ERVK3-1: variants seen among roughly 807,000 people sequenced by gnomAD.
ERVK3-1 encodes the protein endogenous retrovirus group K3 member 1, also known as HERV-K(HML6-1).
exon 4 of ERVK3-1, chr19:58,314,788 T>C (rs1568534712): frequency 2.5e-6 from 1 of 400,130 alleles, no homozygotes; most frequent in East Asian, 3.6e-5. Flanking sequence ...AATTGAAAGC[T>C]GCACAGCCTG....
chr19:58,305,629 C>T (rs1316814611), intron 1 of ERVK3-1, among the ~76,000 whole-genome samples, 184 bp downstream of exon 1: 2 of 152,008 alleles, frequency 1.3e-5, no homozygotes, highest in South Asian at 2.1e-4. Flanking sequence ...CATGTCCTGC[C>T]GGGTGTCACC....
At chr19:58,305,513 T>G (rs568424131) in intron 1 of ERVK3-1, 68 bp downstream of exon 1, 1 of 152,114 alleles carries the variant, frequency 6.6e-6, no homozygotes, top group African/African-American at 2.4e-5. Flanking sequence ...GGCCTAAGTG[T>G]GCTGATGGTG....
In ERVK3-1 at chr19:58,312,133, C is replaced by T. The variant is rs928017878; in HGVS notation, c.-3-33C>T. 1.3e-5 allele frequency: 5 copies of T among 399,856 alleles called. No individual in the cohort carries two copies. The highest frequency in any genetic ancestry group is 6.2e-4 in the Middle Eastern group (1 of 1,610). The allele number at this position is 399,856 out of a possible 1,614,324, so 24.8% of individuals were successfully genotyped here. A position where few individuals can be genotyped will look rare whatever the true frequency, so the allele number is the denominator to read the frequency against. ...TGGAAAGGTCCGGTGGATTTGCTGA[C>T]GTGGGGACGAGGGTATGCTTGTGTT... On this transcript the variant is annotated intron_variant, in intron 2 of 3. Coordinates refer to ENST00000413518, the Ensembl canonical transcript of ERVK3-1. This position sits in a 1 kb window ranked among gnomAD's most constrained non-coding sequence, Gnocchi z 4.7.
chr19:58,315,874 T>C (rs1345232765), downstream of ERVK3-1, among the ~76,000 whole-genome samples: 1 of 152,184 alleles, frequency 6.6e-6, no homozygotes, highest in African/African-American at 2.4e-5. Context: ...GCCAGGAGCC[T>C]AGAGCCACAC....
At chr19:58,315,851 C>A (rs924837130), downstream of ERVK3-1, among the ~76,000 whole-genome samples, 3 of 152,104 alleles carry the variant, frequency 2.0e-5, no homozygotes, top group African/African-American at 7.2e-5. Flanking sequence ...AGGCCTGGGC[C>A]CCTGAAGTCA....
chr19:58,307,895 G>C (rs1369790131), intron 2 of ERVK3-1, among the ~76,000 whole-genome samples: 4 of 152,174 alleles, frequency 2.6e-5, no homozygotes, highest in African/African-American at 7.2e-5. Context: ...CGCTCAGTCA[G>C]AGAATGGGTC....
chr19:58,308,064 C>T (rs970002669), intron 2 of ERVK3-1, among the ~76,000 whole-genome samples: 30 of 152,192 alleles, frequency 2.0e-4, no homozygotes. Flanking sequence ...AGGAGAAATT[C>T]AAGTAATTGT....
Position 58,312,548 on chromosome 19 carries a change from C to A in ERVK3-1, c.294+86C>A, listed in dbSNP as rs545940621. 1 of 399,084 alleles carries A rather than the reference C, an allele frequency of 2.5e-6. No individual in the cohort carries two copies. Among genetic ancestry groups the A allele is most frequent in the South Asian group, 1.4e-4 (1 of 7,272 alleles). 24.7% of individuals were successfully genotyped at this position (399,084 alleles called of 1,614,324 possible). A position where few individuals can be genotyped will look rare whatever the true frequency, so the allele number is the denominator to read the frequency against. The stretch of plus-strand genomic sequence containing the variant: ...GTACGACTGGTACTCTGGAGCGACA[C>A]TCCTCCTGAGATATATTATGATCAG... On this transcript the variant is annotated intron_variant, in intron 3 of 3. Coordinates refer to ENST00000413518, the Ensembl canonical transcript of ERVK3-1. The surrounding 1 kb of genome is among the most constrained non-coding windows in gnomAD (Gnocchi z 4.7).
At position 58,312,130 on chromosome 19, in the gene ERVK3-1, T is replaced by C; in HGVS notation, c.-3-36T>C. 1 of 400,088 alleles carries C rather than the reference T, an allele frequency of 2.5e-6. No homozygotes were observed. 24.8% of individuals were successfully genotyped at this position (400,088 alleles called of 1,614,324 possible). ...CAATGGAAAGGTCCGGTGGATTTGC[T>C]GACGTGGGGACGAGGGTATGCTTGT... On this transcript the variant is annotated intron_variant, in intron 2 of 3. Coordinates refer to ENST00000413518, the Ensembl canonical transcript of ERVK3-1. This position sits in a 1 kb window ranked among gnomAD's most constrained non-coding sequence, Gnocchi z 4.7.
chr19:58,308,794 A>G (rs777487056), intron 2 of ERVK3-1, among the ~76,000 whole-genome samples: 3 of 152,190 alleles, frequency 2.0e-5, no homozygotes, highest in Admixed American at 6.5e-5. Flanking sequence ...ACTCAACTCC[A>G]TCAGCTGGTA....
Position 58,310,674 on chromosome 19 carries a change from A to C in ERVK3-1, c.-3-1492A>C, listed in dbSNP as rs187369845. Reference sequence around the variant, plus strand: ...CAGAGCCAGGTGTACAGGATGGAACATGAAGGCGGACTAGGAGCGTGACCA... The same window carrying C: ...CAGAGCCAGGTGTACAGGATGGAACCTGAAGGCGGACTAGGAGCGTGACCA... On this transcript the variant is annotated intron_variant, in intron 2 of 3. Transcript: ENST00000413518. This position sits in a 1 kb window ranked among gnomAD's most constrained non-coding sequence, Gnocchi z 4.7. 655 of 173,106 alleles carry C rather than the reference A, an allele frequency of 3.8e-3. 3 individuals carry two copies. Among genetic ancestry groups the C allele is most frequent in the Non-Finnish European group, 6.7e-3 (523 of 78,496 alleles). The allele number at this position is 173,106 out of a possible 1,614,324, so 10.7% of individuals were successfully genotyped here. A position where few individuals can be genotyped will look rare whatever the true frequency, so the allele number is the denominator to read the frequency against.
intron 2 of ERVK3-1, among the ~76,000 whole-genome samples, chr19:58,307,909 T>C (rs1009758203): frequency 6.6e-6 from 1 of 152,150 alleles, no homozygotes; most frequent in Non-Finnish European, 1.5e-5. Flanking sequence ...ATGGGTCACG[T>C]TAGTTGGAGG....
In ERVK3-1 at chr19:58,310,832, C is replaced by G. The variant is rs1192943668; in HGVS notation, c.-3-1334C>G. ...CCTCCCCCAGGGAAAGGGAGACCGC[C>G]CCCCACCCTTTCCCGGTCTGCTAAG... On this transcript the variant is annotated intron_variant, in intron 2 of 3. Coordinates refer to ENST00000413518, the Ensembl canonical transcript of ERVK3-1. The surrounding 1 kb of genome is among the most constrained non-coding windows in gnomAD (Gnocchi z 4.7). 3 of 390,408 alleles carry G rather than the reference C, an allele frequency of 7.7e-6. No individual in the cohort carries two copies. Among genetic ancestry groups the G allele is most frequent in the Non-Finnish European group, 1.6e-5 (3 of 189,872 alleles). The allele number at this position is 390,408 out of a possible 1,614,324, so 24.2% of individuals were successfully genotyped here. A position where few individuals can be genotyped will look rare whatever the true frequency, so the allele number is the denominator to read the frequency against.
chr19:58,310,108 A>C lies in ERVK3-1; in HGVS notation c.-3-2058A>C, dbSNP rs1353499776. 6.6e-6 allele frequency: 1 copy of C among 152,194 alleles called. No individual in the cohort carries two copies. Among genetic ancestry groups the C allele is most frequent in the Non-Finnish European group, 1.5e-5 (1 of 68,030 alleles). 9.4% of individuals were successfully genotyped at this position (152,194 alleles called of 1,614,324 possible). On this transcript the variant is annotated intron_variant, in intron 2 of 3. Transcript: ENST00000413518. The surrounding 1 kb of genome is among the most constrained non-coding windows in gnomAD (Gnocchi z 4.7). ...TGGACCTAAATATACTTAAATAATAAAGACCCCTAGAGTTTCAGCTCAACA... is the reference window on the plus strand; with the variant it reads ...TGGACCTAAATATACTTAAATAATACAGACCCCTAGAGTTTCAGCTCAACA...
rs948074985 is a variant in ERVK3-1, at chr19:58,306,221, G to C, written c.-4+5G>C. The C allele has an allele frequency of 2.0e-5, 3 of 152,228 alleles. No homozygotes were observed. Among genetic ancestry groups the C allele is most frequent in the African/African-American group, 7.2e-5 (3 of 41,448 alleles). 9.4% of individuals were successfully genotyped at this position (152,228 alleles called of 1,614,324 possible). On this transcript the variant is annotated splice_donor_5th_base_variant and intron_variant, in intron 2 of 3. Transcript: ENST00000413518. ...TCTGCCGGCGGAGAATATAAGGTCAGTTCCCTGAGAAGGTATCGGGAGCGG... is the reference window on the plus strand; with the variant it reads ...TCTGCCGGCGGAGAATATAAGGTCACTTCCCTGAGAAGGTATCGGGAGCGG...
At chr19:58,306,669 A>G (rs935316450) in intron 2 of ERVK3-1, 2 of 152,344 alleles carry the variant, frequency 1.3e-5, no homozygotes, top group Admixed American at 6.5e-5. Flanking sequence ...ACTGGCCTGT[A>G]CTGTCCCCTC....
downstream of ERVK3-1, among the ~76,000 whole-genome samples, chr19:58,316,382 AAC>A (rs1329296153): frequency 1.3e-5 from 2 of 152,146 alleles, no homozygotes; most frequent in Non-Finnish European, 2.9e-5. Flanking sequence ...TCTTCTGTAA[AAC>A]ACAAGCAGCA....
Position 58,308,715 on chromosome 19 carries a change from TG to T in ERVK3-1, c.-4+2500del, listed in dbSNP as rs368090856. On this transcript the variant is annotated intron_variant, in intron 2 of 3. Transcript: ENST00000413518. ...GATACTTCTTCTCCACCCACTGCCT[TG>T]CTGCTAGAGTGGCTGACTGATAAAC... Among the ~76,000 whole-genome samples, 399 of 152,268 alleles carry T rather than the reference TG, an allele frequency of 2.6e-3. 2 individuals are homozygous for T. Among genetic ancestry groups the T allele is most frequent in the African/African-American group, 9.2e-3 (384 of 41,556 alleles).
At chr19:58,308,259 G>C (rs1487457186) in intron 2 of ERVK3-1, among the ~76,000 whole-genome samples, 2 of 152,212 alleles carry the variant, frequency 1.3e-5, no homozygotes, top group Non-Finnish European at 2.9e-5. Context: ...ACCCACCTGT[G>C]CAGTGCAAAT....
Sources: gnomAD v4.1 joint callset for allele counts (sites outside exome capture counted in the v4.1 genomes callset) on GRCh38, gnomAD v4.1.1 for gene constraint, Gnocchi (gnomAD v3.1) non-coding constraint, MANE v1.5 for transcripts, NCBI Gene and HGNC (gene_info 2026-07-23, HGNC 2026-07-21) for gene names.